Variants in GRIP1 observed in about 807,000 individuals in gnomAD.
GRIP1 encodes the protein glutamate receptor interacting protein 1.
GRIP1 carries 45 observed loss-of-function variants against 129.9 expected under a neutral mutation model. The observed-to-expected ratio is 0.35, with a 90% CI of 0.27 to 0.44. GRIP1 has a LOEUF of 0.44. Ranked by LOEUF, GRIP1 falls within the 20% of genes least tolerant of loss-of-function variation. GRIP1 has a pLI of 1.00. For synonymous variants in GRIP1, 530 were observed against 520.8 expected (o/e 1.02, Z -0.24); for missense variants, 1,196 against 1,396.8 (o/e 0.86, Z 2.29).
intron 16 of GRIP1, among the ~76,000 whole-genome samples, chr12:66,397,744 C>T (rs111517997): frequency 4.6e-5 from 7 of 152,208 alleles, no homozygotes; most frequent in African/African-American, 1.4e-4. Context: ...ATAACTCCAC[C>T]GGTGAGGTGG....
intron 1 of GRIP1, among the ~76,000 whole-genome samples, chr12:67,027,568 TAAACAAATCAGCATC>T (rs1040071694): frequency 6.6e-6 from 1 of 152,188 alleles, no homozygotes; most frequent in African/African-American, 2.4e-5. Flanking sequence ...AGACAAATAC[TAAACAAATCAGCATC>T]AAACTGGCTA....
At chr12:66,538,777 AT>A in intron 4 of GRIP1, among the ~76,000 whole-genome samples, 1 of 148,798 alleles carries the variant, frequency 6.7e-6, no homozygotes, top group Middle Eastern at 3.6e-3. Context: ...TAATTTTTCT[AT>A]TTTTTGTAGA....
At chr12:67,028,409 T>G (rs1430757961) in intron 1 of GRIP1, among the ~76,000 whole-genome samples, 1 of 152,198 alleles carries the variant, frequency 6.6e-6, no homozygotes, top group Non-Finnish European at 1.5e-5. Flanking sequence ...AGTAGTTTCT[T>G]CATGAGCATA....
intron 1 of GRIP1, among the ~76,000 whole-genome samples, chr12:66,670,687 A>T (rs2034037371): frequency 1.3e-5 from 2 of 152,222 alleles, no homozygotes; most frequent in African/African-American, 4.8e-5. Context: ...TAATGGGCTT[A>T]GGTGTTAAAG....
intron 2 of GRIP1, among the ~76,000 whole-genome samples, chr12:66,567,097 T>G (rs2062792673): frequency 6.6e-6 from 1 of 152,192 alleles, no homozygotes; most frequent in Admixed American, 6.5e-5. Flanking sequence ...ATTGATTTTT[T>G]GAAGGTTTTT....
intron 1 of GRIP1, among the ~76,000 whole-genome samples, chr12:66,639,972 A>G (rs1448502997): frequency 6.6e-6 from 1 of 152,132 alleles, no homozygotes; most frequent in East Asian, 1.9e-4. Context: ...AACATATGCT[A>G]TGCCTTTCCA....
chr12:66,393,982 A>G (rs1231449489), intron 17 of GRIP1, among the ~76,000 whole-genome samples: 1 of 152,164 alleles, frequency 6.6e-6, no homozygotes, highest in Non-Finnish European at 1.5e-5. Flanking sequence ...CATTTCAGAG[A>G]GTAGTATCAA....
At chr12:66,753,667 C>T (rs2037197811) in intron 1 of GRIP1, among the ~76,000 whole-genome samples, 1 of 152,198 alleles carries the variant, frequency 6.6e-6, no homozygotes, top group South Asian at 2.1e-4. Flanking sequence ...TCACCCTCTT[C>T]ATTTTGTTCC....
intron 11 of GRIP1, among the ~76,000 whole-genome samples, chr12:66,454,381 T>A (rs2058892307): frequency 6.6e-6 from 1 of 152,228 alleles, no homozygotes; most frequent in Non-Finnish European, 1.5e-5. Flanking sequence ...AGAGATCCCA[T>A]CTTCTTTAAA....
chr12:67,048,510 G>A (rs2043290552), intron 1 of GRIP1, among the ~76,000 whole-genome samples: 1 of 151,862 alleles, frequency 6.6e-6, no homozygotes, highest in Non-Finnish European at 1.5e-5. Context: ...ATGAAGGCTA[G>A]AGTGCAGTTG....
chr12:66,947,854 G>A (rs1430374765), intron 1 of GRIP1, among the ~76,000 whole-genome samples: 3 of 152,184 alleles, frequency 2.0e-5, no homozygotes, highest in African/African-American at 4.8e-5. Flanking sequence ...GGCTCTTTAA[G>A]CAACATTTGC....
upstream of GRIP1, among the ~76,000 whole-genome samples, chr12:66,806,676 G>A (rs571896940): frequency 8.5e-5 from 13 of 152,206 alleles, no homozygotes; most frequent in African/African-American, 2.6e-4. Context: ...TATTTAAAGG[G>A]ACTGATTTTC....
chr12:66,477,900 T>C (rs1303875753), intron 7 of GRIP1, among the ~76,000 whole-genome samples: 1 of 152,158 alleles, frequency 6.6e-6, no homozygotes, highest in Non-Finnish European at 1.5e-5. Flanking sequence ...AAGACTTAAA[T>C]GTTAGACCTA....
At chr12:66,736,343 C>A in intron 1 of GRIP1, among the ~76,000 whole-genome samples, 2 of 62,320 alleles carry the variant, frequency 3.2e-5, no homozygotes, top group Admixed American at 1.8e-4. Context: ...CCGTGCCTGG[C>A]TAATTTTTTT....
chr12:66,370,489 G>C (rs1368954303), intron 23 of GRIP1, among the ~76,000 whole-genome samples: 1 of 152,130 alleles, frequency 6.6e-6, no homozygotes, highest in African/African-American at 2.4e-5. Context: ...GGTTTAATAA[G>C]GTGGCTAGGG....
At chr12:66,399,630 C>T (rs1446278153) in intron 16 of GRIP1, among the ~76,000 whole-genome samples, 3 of 151,918 alleles carry the variant, frequency 2.0e-5, no homozygotes, top group African/African-American at 4.9e-5. Flanking sequence ...AATGGAAGCA[C>T]GGAACAGATG....
intron 1 of GRIP1, among the ~76,000 whole-genome samples, chr12:66,849,892 T>C (rs1260592436): frequency 1.3e-5 from 2 of 152,138 alleles, no homozygotes; most frequent in African/African-American, 2.4e-5. Flanking sequence ...AGCACATGAA[T>C]AGGAGCCCAG....
intron 9 of GRIP1, among the ~76,000 whole-genome samples, chr12:66,458,218 C>G (rs1675451184): frequency 1.2e-5 from 1 of 83,754 alleles, no homozygotes; most frequent in Admixed American, 1.0e-4. Context: ...GATTCCCCCT[C>G]TCTCTCCACT....
intron 13 of GRIP1, among the ~76,000 whole-genome samples, chr12:66,435,797 G>C (rs568563965): frequency 1.3e-5 from 2 of 152,290 alleles, no homozygotes; most frequent in East Asian, 3.9e-4. Flanking sequence ...AAACAGTAAT[G>C]AATCACTTCT....
Sources: allele counts gnomAD v4.1 joint callset (sites outside exome capture counted in the v4.1 genomes callset), GRCh38; gene constraint gnomAD v4.1.1; transcripts MANE v1.5; gene names NCBI Gene and HGNC (gene_info 2026-07-23, HGNC 2026-07-21).